The following PDZRN4 variants were observed in gnomAD, a reference collection of about 807,000 sequenced individuals.
PDZRN4 encodes the protein PDZ domain-containing RING finger protein 4.
PDZRN4 carries 70 observed loss-of-function variants against 99.0 expected under a neutral mutation model. That is an observed-to-expected ratio of 0.71 (90% confidence interval 0.58 to 0.86). The LOEUF is 0.86. Ranked by LOEUF, PDZRN4 falls within the 40% of genes least tolerant of loss-of-function variation. The pLI, the probability that PDZRN4 is intolerant of heterozygous loss-of-function variation, is 0.00. For missense variants in PDZRN4, 1,474 were observed against 1,331.2 expected (o/e 1.11, Z -1.67); for synonymous variants, 551 against 501.6 (o/e 1.10, Z -1.32).
intron 3 of PDZRN4, among the ~76,000 whole-genome samples, chr12:41,406,796 T>A (rs982732506): frequency 7.0e-6 from 1 of 142,912 alleles, no homozygotes; most frequent in Non-Finnish European, 1.5e-5. Context: ...AGGCGGAGAT[T>A]GCAGTGAGCC....
At chr12:41,227,849 C>T (rs1307293701) in intron 3 of PDZRN4, among the ~76,000 whole-genome samples, 2 of 146,414 alleles carry the variant, frequency 1.4e-5, no homozygotes, top group East Asian at 4.1e-4. Context: ...AAGCAAAAGT[C>T]GTGTCTTAAG....
At chr12:41,404,172 T>G (rs1952325210) in intron 3 of PDZRN4, among the ~76,000 whole-genome samples, 1 of 152,184 alleles carries the variant, frequency 6.6e-6, no homozygotes, top group Non-Finnish European at 1.5e-5. Context: ...ATTTTTGTAT[T>G]GTTATTTTTT....
chr12:41,437,720 T>A (rs960081833), intron 3 of PDZRN4: 8 of 1,433,294 alleles, frequency 5.6e-6, no homozygotes, highest in Non-Finnish European at 6.4e-6. Flanking sequence ...GGAAACTCTG[T>A]GTGTGTATCC....
intron 3 of PDZRN4, among the ~76,000 whole-genome samples, chr12:41,365,882 G>T (rs766563545): frequency 3.9e-5 from 6 of 152,124 alleles, no homozygotes; most frequent in Non-Finnish European, 1.5e-5. Flanking sequence ...CTGACAGACT[G>T]GTTGCCTGGC....
chr12:41,532,447 CAAT>C (rs772023918), intron 5 of PDZRN4, among the ~76,000 whole-genome samples: 36 of 152,202 alleles, frequency 2.4e-4, no homozygotes, highest in Non-Finnish European at 3.7e-4. Flanking sequence ...ATGTCTACAA[CAAT>C]GTTATAGATT....
Position 41,572,542 on chromosome 12 carries a change from T to C in PDZRN4, c.1763T>C (p.Leu588Pro). 1 of 1,614,084 alleles carries C rather than the reference T, an allele frequency of 6.2e-7. No individual in the cohort carries two copies. The highest frequency in any genetic ancestry group is 8.5e-7 in the Non-Finnish European group (1 of 1,180,008). ...NSTSLKSKRD[L>P]GQSQDTLGSV... ...ACATCTTTGAAGAGCAAGAGAGACC[T>C]GGGGCAGAGCCAAGACACTCTGGGA... is the stretch of plus-strand genomic sequence containing the variant. The change falls in exon 10 of 10, where the codon CTG becomes CCG. Residue 588 changes from leucine to proline, a missense_variant. Transcript: ENST00000402685.
intron 3 of PDZRN4, among the ~76,000 whole-genome samples, chr12:41,388,898 G>A (rs1033327843): frequency 6.6e-6 from 1 of 152,108 alleles, no homozygotes; most frequent in South Asian, 2.1e-4. Flanking sequence ...AGTAAGGACA[G>A]TGTACTATGT....
At chr12:41,322,649 C>A (rs1351507961) in intron 3 of PDZRN4, among the ~76,000 whole-genome samples, 1 of 151,630 alleles carries the variant, frequency 6.6e-6, no homozygotes, top group African/African-American at 2.4e-5. Context: ...CACCACCACG[C>A]CCGGCTAATT....
chr12:41,498,809 TA>T (rs1229751310), intron 3 of PDZRN4, among the ~76,000 whole-genome samples: 3 of 152,130 alleles, frequency 2.0e-5, no homozygotes, highest in Non-Finnish European at 4.4e-5. Context: ...AAATCTCCCT[TA>T]AAAATGTGTA....
intron 3 of PDZRN4, among the ~76,000 whole-genome samples, chr12:41,415,354 TATATA>T (rs754609897): frequency 4.0e-5 from 6 of 148,784 alleles, no homozygotes; most frequent in Non-Finnish European, 7.4e-5. Context: ...ATATGTGTAA[TATATA>T]ATATATGTAA....
In PDZRN4 at chr12:41,280,897, G is replaced by T. The variant is rs1017324068; in HGVS notation, c.843+86709G>T. ...AGACTGCCTCCTCAAGTGGGTCCCT[G>T]ACCCCCGTGCCTCCTGACTAGGAGA... On this transcript the variant is annotated intron_variant, in intron 3 of 9. Transcript: ENST00000402685. Among the ~76,000 whole-genome samples the T allele has an allele frequency of 2.6e-5, 4 of 152,288 alleles. No individual in the cohort carries two copies. In the East Asian group the frequency reaches 7.7e-4, roughly 29 times the overall value.
chr12:41,273,082 A>G (rs1951326039), intron 3 of PDZRN4, among the ~76,000 whole-genome samples: 1 of 152,020 alleles, frequency 6.6e-6, no homozygotes, highest in African/African-American at 2.4e-5. Context: ...TGCTTATGTT[A>G]AATTTAAGCA....
intron 3 of PDZRN4, among the ~76,000 whole-genome samples, chr12:41,477,476 C>G (rs1213805436): frequency 6.6e-6 from 1 of 152,176 alleles, no homozygotes; most frequent in Non-Finnish European, 1.5e-5. Context: ...TGGCACATGT[C>G]TGTTAAGGAC....
intron 3 of PDZRN4, among the ~76,000 whole-genome samples, chr12:41,411,042 C>A (rs374078724): frequency 1.5e-5 from 2 of 137,492 alleles, no homozygotes; most frequent in South Asian, 2.4e-4. Flanking sequence ...CCACACTGAG[C>A]TTTAAAATAT....
intron 4 of PDZRN4, chr12:41,509,584 A>G: frequency 3.0e-6 from 1 of 329,982 alleles, no homozygotes; most frequent in Non-Finnish European, 5.6e-6. Context: ...AACTCTGACC[A>G]TAGGCCCTTA....
intron 3 of PDZRN4, among the ~76,000 whole-genome samples, chr12:41,271,690 A>G (rs1385728012): frequency 6.6e-6 from 1 of 152,094 alleles, no homozygotes; most frequent in African/African-American, 2.4e-5. Context: ...TGCACTCCAC[A>G]TGCATTTGCC....
chr12:41,510,885 G>A (rs907398650), intron 5 of PDZRN4, among the ~76,000 whole-genome samples: 16 of 152,084 alleles, frequency 1.1e-4, no homozygotes, highest in African/African-American at 3.6e-4. Flanking sequence ...AATTTAGAAG[G>A]ATGTGAAATG....
At chr12:41,341,799 A>G (rs1321052151) in intron 3 of PDZRN4, among the ~76,000 whole-genome samples, 5 of 151,988 alleles carry the variant, frequency 3.3e-5, no homozygotes, top group African/African-American at 1.2e-4. Context: ...AGTTTAATGC[A>G]ATCATTGTCA....
chr12:41,210,721 C>T (rs984929753), intron 3 of PDZRN4, among the ~76,000 whole-genome samples: 1 of 151,998 alleles, frequency 6.6e-6, no homozygotes, highest in Non-Finnish European at 1.5e-5. Context: ...TAAATCTGAA[C>T]TTACCTAGAG....
Sources: gnomAD v4.1 joint callset for allele counts (sites outside exome capture counted in the v4.1 genomes callset) on GRCh38, gnomAD v4.1.1 for gene constraint, MANE v1.5 for transcripts, NCBI Gene and HGNC (gene_info 2026-07-23, HGNC 2026-07-21) for gene names.